Variants in TLL1 observed in about 807,000 individuals in gnomAD.
TLL1 encodes tolloid-like protein 1.
In TLL1, 49 loss-of-function variants were observed where a neutral mutation model predicts 128.2. The ratio of observed to expected loss-of-function variants is 0.38; its 90% CI spans 0.30 to 0.48. The LOEUF (loss-of-function observed/expected upper bound fraction) is 0.48. TLL1 is among the 20% of genes least tolerant of loss of function. TLL1 has a pLI of 0.96. For synonymous variants in TLL1, 454 were observed against 418.8 expected (o/e 1.08, Z -1.03); for missense variants, 1,123 against 1,242.0 (o/e 0.90, Z 1.44).
At position 166,100,753 on chromosome 4, in the gene TLL1, G is replaced by C; in HGVS notation, c.2919G>C (p.Glu973Asp). 1 of 1,612,864 alleles carries C rather than the reference G, an allele frequency of 6.2e-7. No homozygotes were observed. Among genetic ancestry groups the C allele is most frequent in the South Asian group, 1.1e-5 (1 of 91,062 alleles). ...TTGTTTTCCTTCAGCCACCAGAAGA[G>C]ATTTATTCAATTGGAGATTCAGTTT... ...GRFCGSGPPE[E>D]IYSIGDSVLI... is the part of the protein sequence containing the mutation. The change falls in exon 21 of 21, where the codon GAG becomes GAC. Residue 973 changes from glutamate (E) to aspartate (D), a missense_variant. By Grantham distance (45) the Glu-to-Asp change is conservative. This residue lies in a region of TLL1 where 634 missense variants were observed against 672.4 expected (regional missense o/e 0.94). Coordinates refer to ENST00000061240, the MANE Select transcript of TLL1 (RefSeq NM_012464.5).
chr4:166,017,759 C>T (rs543280322), intron 8 of TLL1, among the ~76,000 whole-genome samples: 1 of 152,034 alleles, frequency 6.6e-6, no homozygotes, highest in Non-Finnish European at 1.5e-5. Context: ...ATATCTGTCT[C>T]CCTTTTTACT....
At chr4:165,969,123 T>C (rs996493666) in intron 1 of TLL1, among the ~76,000 whole-genome samples, 6 of 152,182 alleles carry the variant, frequency 3.9e-5, no homozygotes, top group African/African-American at 1.2e-4. Context: ...ATTTCCAACA[T>C]GTTATGAGAG....
chr4:165,990,223 A>T (rs189202404), intron 2 of TLL1, among the ~76,000 whole-genome samples: 9 of 152,022 alleles, frequency 5.9e-5, no homozygotes, highest in Non-Finnish European at 1.0e-4. Context: ...TCTGTGTATT[A>T]TTCTGGAGAA....
intron 8 of TLL1, among the ~76,000 whole-genome samples, chr4:166,016,513 C>A (rs2111054522): frequency 6.6e-6 from 1 of 152,018 alleles, no homozygotes; most frequent in South Asian, 2.1e-4. Flanking sequence ...TTTTAGCCTA[C>A]AATTCTTGGA....
intron 9 of TLL1, among the ~76,000 whole-genome samples, chr4:166,029,578 G>A (rs137933464): frequency 1.1e-4 from 16 of 152,100 alleles, no homozygotes; most frequent in African/African-American, 3.4e-4. Context: ...AGTATGTTAA[G>A]TATATTCACT....
intron 1 of TLL1, among the ~76,000 whole-genome samples, chr4:165,942,469 G>C (rs984956179): frequency 1.3e-5 from 2 of 151,744 alleles, no homozygotes; most frequent in Non-Finnish European, 2.9e-5. Flanking sequence ...CTATCTCCAT[G>C]ATTGGGTTGA....
At chr4:166,053,978 G>GT (rs999189011) in intron 12 of TLL1, among the ~76,000 whole-genome samples, 133 of 150,522 alleles carry the variant, frequency 8.8e-4, no homozygotes, top group Middle Eastern at 3.4e-3. Context: ...TATAAATTTT[G>GT]TTTTTTTTTG....
intron 1 of TLL1, among the ~76,000 whole-genome samples, chr4:165,882,198 T>A (rs894366303): frequency 1.3e-5 from 2 of 152,210 alleles, no homozygotes; most frequent in Non-Finnish European, 2.9e-5. Context: ...TGCTTGGAAC[T>A]CTGGCCTGGT....
intron 6 of TLL1, among the ~76,000 whole-genome samples, chr4:166,004,750 T>G (rs1737333100): frequency 6.6e-6 from 1 of 152,116 alleles, no homozygotes; most frequent in Non-Finnish European, 1.5e-5. Flanking sequence ...GATGGTAAGT[T>G]ACAAGTGGGA....
At chr4:165,929,116 C>T (rs1249102837) in intron 1 of TLL1, among the ~76,000 whole-genome samples, 6 of 152,108 alleles carry the variant, frequency 3.9e-5, no homozygotes, top group Admixed American at 3.9e-4. Flanking sequence ...ACAGGCAGCA[C>T]TAATTTTTGG....
chr4:165,890,485 T>C (rs1361877148), intron 1 of TLL1, among the ~76,000 whole-genome samples: 1 of 152,210 alleles, frequency 6.6e-6, no homozygotes, highest in African/African-American at 2.4e-5. Flanking sequence ...GGCTCAGGCA[T>C]TGAGTGAATA....
intron 19 of TLL1, among the ~76,000 whole-genome samples, chr4:166,098,680 A>G (rs1742140540): frequency 6.6e-6 from 1 of 152,114 alleles, no homozygotes; most frequent in Non-Finnish European, 1.5e-5. Flanking sequence ...TTTCTATCGA[A>G]GTAAAATACT....
intron 1 of TLL1, chr4:165,919,690 C>T (rs1311375293): frequency 2.5e-6 from 1 of 394,700 alleles, no homozygotes. Context: ...TTATTCTAGG[C>T]TTTCATCCCC....
chr4:166,085,747 GT>G (rs1741481550), intron 18 of TLL1, among the ~76,000 whole-genome samples: 2 of 152,006 alleles, frequency 1.3e-5, no homozygotes, highest in African/African-American at 4.8e-5. Context: ...TTTTGTTGCT[GT>G]TGTTGGGTAA....
At chr4:165,939,058 A>G (rs1020631036) in intron 1 of TLL1, among the ~76,000 whole-genome samples, 2 of 151,818 alleles carry the variant, frequency 1.3e-5, no homozygotes, top group Admixed American at 6.6e-5. Context: ...ATGGTTCTTA[A>G]TGATGTAATG....
At chr4:165,986,029 G>A (rs1057184547) in intron 1 of TLL1, among the ~76,000 whole-genome samples, 1 of 149,768 alleles carries the variant, frequency 6.7e-6, no homozygotes, top group African/African-American at 2.5e-5. Flanking sequence ...TTTTTTTTTA[G>A]TTCTGATCTC....
At chr4:166,092,615 CAG>C (rs774646632) in intron 19 of TLL1, among the ~76,000 whole-genome samples, 4 of 152,026 alleles carry the variant, frequency 2.6e-5, no homozygotes, top group Non-Finnish European at 5.9e-5. Flanking sequence ...ACTGATAGCG[CAG>C]AGTTCATCAG....
intron 1 of TLL1, among the ~76,000 whole-genome samples, chr4:165,967,175 C>A (rs147086796): frequency 1.2e-4 from 19 of 152,186 alleles, no homozygotes; most frequent in Non-Finnish European, 2.8e-4. Flanking sequence ...TCTGGCCCCT[C>A]GGGCAGTCAG....
chr4:165,932,636 A>G (rs985661955), intron 1 of TLL1, among the ~76,000 whole-genome samples: 36 of 140,796 alleles, frequency 2.6e-4, no homozygotes, highest in African/African-American at 1.1e-3. Flanking sequence ...TAAGCTTCAG[A>G]TTTTCTTCTT....
Sources: gnomAD v4.1 joint callset for allele counts (sites outside exome capture counted in the v4.1 genomes callset) on GRCh38, gnomAD v4.1.1 for gene constraint, gnomAD v4.1.1 regional missense constraint, MANE v1.5 for transcripts, NCBI Gene and HGNC (gene_info 2026-07-23, HGNC 2026-07-21) for gene names.